CYP19A1: variants seen among roughly 807,000 people sequenced by gnomAD.
CYP19A1 encodes the protein aromatase.
In CYP19A1, 32 loss-of-function variants were observed where a neutral mutation model predicts 44.4. That is an observed-to-expected ratio of 0.72 (90% CI 0.54 to 0.97). The LOEUF is 0.97. Ranked by LOEUF, CYP19A1 falls within the 50% of genes least tolerant of loss-of-function variation. The pLI is 0.00. For synonymous variants in CYP19A1, 212 were observed against 215.6 expected, an observed-to-expected ratio of 0.98 and a Z score of 0.14; for missense variants, 598 against 637.8, an observed-to-expected ratio of 0.94 and a Z score of 0.67.
intron 1 of CYP19A1, chr15:51,293,970 G>C (rs555323443): frequency 6.8e-5 from 14 of 206,858 alleles, no homozygotes; most frequent in African/African-American, 2.9e-4. Context: ...GCCTCTGCCC[G>C]GCCGCCACCC....
At chr15:51,272,760 G>T (rs1306702367) in intron 1 of CYP19A1, among the ~76,000 whole-genome samples, 1 of 152,158 alleles carries the variant, frequency 6.6e-6, no homozygotes, top group Non-Finnish European at 1.5e-5. Flanking sequence ...GGAAAAAACT[G>T]GCCCAGCAGG....
rs942190070 is a variant in CYP19A1 at position 51,307,923 on chromosome 15, A to G, written c.-39+30572T>C. 1.1e-4 allele frequency among the ~76,000 whole-genome samples: 16 copies of G among 152,234 alleles called. 1 individual carries two copies. Among genetic ancestry groups the G allele is most frequent in the African/African-American group, 3.9e-4 (16 of 41,466 alleles). Reference sequence around the variant, plus strand: ...AAGAGTTAACGTTTATTGAGCATCTACAGTATACCAAGCCCTCTTCTAGAA... The same window carrying G: ...AAGAGTTAACGTTTATTGAGCATCTGCAGTATACCAAGCCCTCTTCTAGAA... On this transcript the variant is annotated intron_variant, in intron 1 of 9. Transcript: ENST00000396402.
At chr15:51,306,341 T>C (rs926121832) in intron 1 of CYP19A1, among the ~76,000 whole-genome samples, 17 of 152,242 alleles carry the variant, frequency 1.1e-4, no homozygotes, top group Non-Finnish European at 1.9e-4. Flanking sequence ...AGAGCCAATA[T>C]TTGGGTTTTC....
intron 1 of CYP19A1, among the ~76,000 whole-genome samples, chr15:51,302,072 T>C (rs1224889902): frequency 6.6e-6 from 1 of 152,212 alleles, no homozygotes; most frequent in Non-Finnish European, 1.5e-5. Flanking sequence ...TTGATCATTT[T>C]TGGGGGGTTC....
chr15:51,252,633 G>A (rs772496752), intron 1 of CYP19A1, among the ~76,000 whole-genome samples: 3 of 152,196 alleles, frequency 2.0e-5, no homozygotes, highest in Non-Finnish European at 4.4e-5. Context: ...GACTCACACT[G>A]TGGCCCTGAA....
chr15:51,237,485 T>G (rs2033482364), intron 2 of CYP19A1, among the ~76,000 whole-genome samples: 1 of 152,192 alleles, frequency 6.6e-6, no homozygotes, highest in African/African-American at 2.4e-5. Flanking sequence ...GGTCTGTAGT[T>G]TTGTAGGAAA....
chr15:51,294,510 C>T (rs1235024461), intron 1 of CYP19A1, among the ~76,000 whole-genome samples: 10 of 146,534 alleles, frequency 6.8e-5, no homozygotes, highest in Non-Finnish European at 1.2e-4. Flanking sequence ...GGAGCCCCTC[C>T]GCCCGGCAGC....
At chr15:51,290,332 T>C (rs1192376086) in intron 1 of CYP19A1, among the ~76,000 whole-genome samples, 3 of 152,254 alleles carry the variant, frequency 2.0e-5, no homozygotes, top group Non-Finnish European at 2.9e-5. Flanking sequence ...ATTCATTTAC[T>C]GTTTCTGAAC....
rs1270767436 is a variant in CYP19A1, at chr15:51,209,665, T to C, written c.*1143A>G. ...TACAATGATTCAATGAACTAGATAA[T>C]GTTAAATCTCTCAGGTAACTGTTAA... On this transcript the variant is annotated 3_prime_UTR_variant, in exon 10 of 10. Transcript: ENST00000396402. 6.6e-6 allele frequency: 1 copy of C among 152,646 alleles called. No individual in the cohort carries two copies. Among genetic ancestry groups the C allele is most frequent in the Non-Finnish European group, 1.5e-5 (1 of 68,066 alleles). 9.5% of individuals were successfully genotyped at this position (152,646 alleles called of 1,614,324 possible).
chr15:51,332,055 A>G (rs187663494), intron 1 of CYP19A1, among the ~76,000 whole-genome samples: 5 of 152,224 alleles, frequency 3.3e-5, no homozygotes, highest in Non-Finnish European at 4.4e-5. Flanking sequence ...TTAATAATAC[A>G]TTGAATTTTA....
chr15:51,240,565 A>T (rs879417184), intron 2 of CYP19A1, among the ~76,000 whole-genome samples: 1 of 152,196 alleles, frequency 6.6e-6, no homozygotes, highest in Non-Finnish European at 1.5e-5. Flanking sequence ...GCAGGAGCTC[A>T]GGAGTATTGA....
chr15:51,213,268 G>A (rs1302920611), intron 8 of CYP19A1, among the ~76,000 whole-genome samples: 1 of 152,228 alleles, frequency 6.6e-6, no homozygotes, highest in Non-Finnish European at 1.5e-5. Context: ...AGCCCTGGGT[G>A]AGCTGGGGAT....
chr15:51,253,263 CTTA>C (rs1411726568), intron 1 of CYP19A1, among the ~76,000 whole-genome samples: 1 of 152,190 alleles, frequency 6.6e-6, no homozygotes, highest in Admixed American at 6.5e-5. Flanking sequence ...CCTCAATAAA[CTTA>C]TTATGATTCA....
chr15:51,311,666 T>A (rs1056159931), intron 1 of CYP19A1, among the ~76,000 whole-genome samples: 1 of 152,192 alleles, frequency 6.6e-6, no homozygotes, highest in African/African-American at 2.4e-5. Context: ...AAACTGAATG[T>A]CCCACAACTC....
intron 1 of CYP19A1, among the ~76,000 whole-genome samples, chr15:51,333,747 C>G (rs538986848): frequency 6.5e-4 from 99 of 152,242 alleles, no homozygotes; most frequent in African/African-American, 1.9e-3. Flanking sequence ...GCTTGAGTCT[C>G]CAGGCTCAGC....
intron 1 of CYP19A1, among the ~76,000 whole-genome samples, chr15:51,285,317 CATT>C (rs2035660163): frequency 6.6e-6 from 1 of 152,226 alleles, no homozygotes; most frequent in South Asian, 2.1e-4. Flanking sequence ...AGAGCGACTC[CATT>C]TTGAATAAGG....
At chr15:51,242,706 A>G (rs886510487) in intron 2 of CYP19A1, 62 bp downstream of exon 2, 5 of 1,111,600 alleles carry the variant, frequency 4.5e-6, no homozygotes, top group South Asian at 3.8e-5. Context: ...TTTCTTTACC[A>G]TCATGGACCA....
intron 1 of CYP19A1, chr15:51,255,911 G>A (rs1384616472): frequency 2.6e-5 from 4 of 152,228 alleles, no homozygotes; most frequent in Admixed American, 6.5e-5. Flanking sequence ...TTCTCACACT[G>A]TGGGAACTAT....
intron 1 of CYP19A1, among the ~76,000 whole-genome samples, chr15:51,282,695 G>A (rs1219766758): frequency 6.6e-6 from 1 of 152,170 alleles, no homozygotes; most frequent in Non-Finnish European, 1.5e-5. Context: ...AACATTCCTG[G>A]CTGCCCAACG....
Sources: gnomAD v4.1 joint callset for allele counts (sites outside exome capture counted in the v4.1 genomes callset) on GRCh38, gnomAD v4.1.1 for gene constraint, MANE v1.5 for transcripts, NCBI Gene and HGNC (gene_info 2026-07-23, HGNC 2026-07-21) for gene names.